NEMP2: variants seen among roughly 807,000 people sequenced by gnomAD.
The protein encoded by NEMP2 is UPF0571 transmembrane protein.
In NEMP2, 53 loss-of-function variants were observed where a neutral mutation model predicts 54.2. The observed-to-expected ratio is 0.98, with a 90% confidence interval of 0.78 to 1.23. The LOEUF (loss-of-function observed/expected upper bound fraction) is 1.23. Ranked by LOEUF, NEMP2 falls within the 50% of genes most tolerant of loss-of-function variation. The pLI is 0.00. For synonymous variants in NEMP2, 197 were observed against 190.3 expected (o/e 1.04, Z -0.29); for missense variants, 455 against 511.3 (o/e 0.89, Z 1.06).
the NEMP2 span, among the ~76,000 whole-genome samples, chr2:190,601,092 C>A: frequency 1.3e-5 from 2 of 152,120 alleles, no homozygotes; most frequent in Non-Finnish European, 2.9e-5. The surrounding 1 kb of genome is among the most constrained non-coding windows in gnomAD (Gnocchi z 5.8). Flanking sequence ...AGGGTCATGG[C>A]AAGTGTAATT....
the NEMP2 span, among the ~76,000 whole-genome samples, chr2:190,614,779 GC>G: frequency 6.6e-6 from 1 of 152,208 alleles, no homozygotes; most frequent in South Asian, 2.1e-4. The surrounding 1 kb of genome is among the most constrained non-coding windows in gnomAD (Gnocchi z 5.7). Flanking sequence ...GTATGAGCAA[GC>G]CCTATGGCTT....
chr2:190,436,122 G>A, the NEMP2 span: 1 of 1,614,178 alleles, frequency 6.2e-7, no homozygotes, highest in Non-Finnish European at 8.5e-7. The surrounding 1 kb of genome is among the most constrained non-coding windows in gnomAD (Gnocchi z 5.3). Context: ...GTATTTCCAG[G>A]GAACCAGAAC....
the NEMP2 span, among the ~76,000 whole-genome samples, chr2:190,465,317 T>C: frequency 6.6e-6 from 1 of 152,236 alleles, no homozygotes; most frequent in African/African-American, 2.4e-5. The surrounding 1 kb of genome is among the most constrained non-coding windows in gnomAD (Gnocchi z 4.6). Flanking sequence ...CTTTGTTTCT[T>C]GTCTATTTTT....
At chr2:190,450,408 T>G in the NEMP2 span, among the ~76,000 whole-genome samples, 3 of 152,140 alleles carry the variant, frequency 2.0e-5, no homozygotes, top group African/African-American at 7.2e-5. Flanking sequence ...AATTCTTACC[T>G]TTTTTTCTGC....
At chr2:190,472,834 G>A in the NEMP2 span, among the ~76,000 whole-genome samples, 1 of 152,214 alleles carries the variant, frequency 6.6e-6, no homozygotes, top group Non-Finnish European at 1.5e-5. Flanking sequence ...GGCAGCCAGA[G>A]AGAAAGGTCG....
the NEMP2 span, among the ~76,000 whole-genome samples, chr2:190,565,894 TC>T: frequency 6.6e-6 from 1 of 152,180 alleles, no homozygotes; most frequent in Non-Finnish European, 1.5e-5. Flanking sequence ...CAGTGAGACT[TC>T]CAGCCACCAG....
chr2:190,423,069 T>C, the NEMP2 span, among the ~76,000 whole-genome samples: 1 of 152,076 alleles, frequency 6.6e-6, no homozygotes, highest in Admixed American at 6.5e-5. This position sits in a 1 kb window ranked among gnomAD's most constrained non-coding sequence, Gnocchi z 4.3. Context: ...TTTTAAACTT[T>C]ATTTTGAGAT....
the NEMP2 span, among the ~76,000 whole-genome samples, chr2:190,647,710 C>CTTTTTTTTTTTTTTTTTTTT: frequency 9.8e-6 from 1 of 102,384 alleles, no homozygotes; most frequent in Non-Finnish European, 1.9e-5. Context: ...TCTTCTTCTT[C>CTTTTTTTTTTTTTTTTTTTT]TTTTTTTTTT....
At chr2:190,476,744 C>G in the NEMP2 span, among the ~76,000 whole-genome samples, 24 of 152,206 alleles carry the variant, frequency 1.6e-4, no homozygotes, top group African/African-American at 5.3e-4. Context: ...GCTATAAAGA[C>G]ACATGCACAC....
the NEMP2 span, among the ~76,000 whole-genome samples, chr2:190,475,075 A>G: frequency 1.3e-5 from 2 of 152,202 alleles, no homozygotes; most frequent in African/African-American, 4.8e-5. Context: ...CAAAATAATA[A>G]GAGCTATCTA....
the NEMP2 span, among the ~76,000 whole-genome samples, chr2:190,621,554 T>TTTTTTTCCAAGC: frequency 3.3e-5 from 5 of 151,996 alleles, no homozygotes; most frequent in African/African-American, 1.2e-4. Context: ...AATTGACCTA[T>TTTTTTTCCAAGC]ATATTCAATG....
the NEMP2 span, among the ~76,000 whole-genome samples, chr2:190,449,636 C>T: frequency 6.6e-6 from 1 of 150,838 alleles, no homozygotes; most frequent in African/African-American, 2.4e-5. Context: ...CAATGATAGA[C>T]TGGATTAAGA....
At chr2:190,472,314 A>T in the NEMP2 span, among the ~76,000 whole-genome samples, 4 of 152,334 alleles carry the variant, frequency 2.6e-5, no homozygotes, top group African/African-American at 9.6e-5. Context: ...GTTCAAACCC[A>T]TGGCAAAGAA....
the NEMP2 span, among the ~76,000 whole-genome samples, chr2:190,477,764 T>C: frequency 5.3e-5 from 8 of 152,260 alleles, no homozygotes; most frequent in South Asian, 1.2e-3. Context: ...GATGGAATCA[T>C]AGAAAAATGT....
the NEMP2 span, among the ~76,000 whole-genome samples, chr2:190,615,805 C>T: frequency 5.6e-4 from 85 of 152,268 alleles, no homozygotes; most frequent in South Asian, 1.2e-3. The surrounding 1 kb of genome is among the most constrained non-coding windows in gnomAD (Gnocchi z 4.7). Context: ...TTAGGAGCCT[C>T]GAGCCAGGAA....
At chr2:190,515,877 T>A (rs952462165) in intron 6 of NEMP2, among the ~76,000 whole-genome samples, 1 of 152,228 alleles carries the variant, frequency 6.6e-6, no homozygotes, top group Non-Finnish European at 1.5e-5. Context: ...ATAGTTAGGA[T>A]TTCTCACCTT....
At chr2:190,646,991 T>G in the NEMP2 span, 1 of 152,190 alleles carries the variant, frequency 6.6e-6, no homozygotes, top group African/African-American at 2.4e-5. Context: ...TAGAAGAGAA[T>G]TTTGCAGATT....
the NEMP2 span, among the ~76,000 whole-genome samples, chr2:190,460,294 A>T: frequency 2.0e-5 from 3 of 152,230 alleles, no homozygotes; most frequent in African/African-American, 7.2e-5. Context: ...CAGAATATAG[A>T]CATCTATTTT....
At chr2:190,631,470 T>C in the NEMP2 span, among the ~76,000 whole-genome samples, 3 of 152,214 alleles carry the variant, frequency 2.0e-5, no homozygotes, top group Non-Finnish European at 4.4e-5. Flanking sequence ...AAAAAAAACT[T>C]TATATTAATA....
Sources: gnomAD v4.1 joint callset for allele counts (sites outside exome capture counted in the v4.1 genomes callset) on GRCh38, gnomAD v4.1.1 for gene constraint, Gnocchi (gnomAD v3.1) non-coding constraint, MANE v1.5 for transcripts, NCBI Gene and HGNC (gene_info 2026-07-23, HGNC 2026-07-21) for gene names.